Variants in SPTBN4 observed in about 807,000 individuals in gnomAD.
SPTBN4 encodes spectrin beta, non-erythrocytic 4.
SPTBN4 carries 96 observed loss-of-function variants against 277.8 expected under a neutral mutation model. That is an observed-to-expected ratio of 0.35 (90% CI 0.29 to 0.41). The LOEUF is 0.41. SPTBN4 is among the 10% of genes least tolerant of loss of function. The probability of loss-of-function intolerance (pLI) is 1.00; values close to 1 mark genes in which losing one functional copy is unlikely to be tolerated. For missense variants in SPTBN4, 3,006 were observed against 3,595.7 expected, an observed-to-expected ratio of 0.84 and a Z score of 4.19; for synonymous variants, 1,481 against 1,580.3, an observed-to-expected ratio of 0.94 and a Z score of 1.49.
rs1259433750 is a variant in SPTBN4, at chr19:40,513,051, C to G, written c.2262C>G (p.Arg754=). 5 of 1,420,472 alleles carry G rather than the reference C, an allele frequency of 3.5e-6. No homozygotes were observed. Among genetic ancestry groups the G allele is most frequent in the Admixed American group, 3.1e-5 (1 of 32,264 alleles). 88.0% of individuals were successfully genotyped at this position (1,420,472 alleles called of 1,614,324 possible). A position where few individuals can be genotyped will look rare whatever the true frequency, so the allele number is the denominator to read the frequency against. Residue 754 remains arginine, a synonymous_variant, in exon 14 of 36, where the codon CGC becomes CGG. Coordinates refer to ENST00000598249, the MANE Select transcript of SPTBN4 (RefSeq NM_020971.3). ...AGCGCGCGGCGAGCGCCCGGCGCCG[C>G]TGGCAGAGGCTGGAAGAGGCGGCGG... The part of the protein sequence containing the change: ...LAERAASARR[R]WQRLEEAAAR...
In SPTBN4 at chr19:40,502,772, C is replaced by T; in HGVS notation, c.1204-3C>T. 1 of 1,612,940 alleles carries T rather than the reference C, an allele frequency of 6.2e-7. No individual in the cohort carries two copies. The highest frequency in any genetic ancestry group is 1.1e-5 in the South Asian group (1 of 90,918). On this transcript the variant is annotated splice_polypyrimidine_tract_variant and splice_region_variant and intron_variant, in intron 10 of 35. Coordinates refer to ENST00000598249, the MANE Select transcript of SPTBN4 (RefSeq NM_020971.3). The surrounding 1 kb of genome is among the most constrained non-coding windows in gnomAD (Gnocchi z 4.9). The stretch of plus-strand genomic sequence containing the variant: ...TCTGAGTGCCTCCTCCCATCTCCTG[C>T]AGGCATGGGGTGAGCTGGAGAAGGC...
intron 35 of SPTBN4, among the ~76,000 whole-genome samples, chr19:40,575,187 A>C (rs147653402): frequency 6.6e-6 from 1 of 152,250 alleles, no homozygotes; most frequent in Non-Finnish European, 1.5e-5. Context: ...TCTCTGTAGT[A>C]GGAAGTATAT....
intron 27 of SPTBN4, among the ~76,000 whole-genome samples, chr19:40,563,444 C>T (rs1470173957): frequency 2.0e-5 from 3 of 151,876 alleles, no homozygotes; most frequent in African/African-American, 4.8e-5. Context: ...GCCACAAATG[C>T]GAGCCACATA....
intron 22 of SPTBN4, among the ~76,000 whole-genome samples, chr19:40,552,354 C>A (rs1036754717): frequency 1.3e-5 from 2 of 149,496 alleles, no homozygotes; most frequent in Non-Finnish European, 3.0e-5. Context: ...ACTCGGGAGG[C>A]TGGGGCAGGA....
At chr19:40,476,615 T>A (rs2079950925) in intron 2 of SPTBN4, among the ~76,000 whole-genome samples, 1 of 152,026 alleles carries the variant, frequency 6.6e-6, no homozygotes, top group African/African-American at 2.4e-5. Context: ...TGAGAAGGAG[T>A]CTTGCTCTGT....
chr19:40,557,539 G>A (rs1281950414), intron 26 of SPTBN4, 136 bp downstream of exon 26: 4 of 1,039,070 alleles, frequency 3.8e-6, no homozygotes, highest in Non-Finnish European at 5.3e-6. Context: ...AGAACAGGAA[G>A]AAATTAGATA....
At position 40,570,669 on chromosome 19, in the gene SPTBN4, G is replaced by A; in HGVS notation, c.7260G>A (p.Gln2420=). The change falls in exon 33 of 36, where the codon CAG becomes CAA. Residue 2420 remains glutamine, a synonymous_variant. Transcript: ENST00000598249. ...CGCCACCGCCCACTCACACAGTGCA[G>A]CACGAGGGCTTCCTACTGCGCAAGC... ...APPPPPTHTV[Q]HEGFLLRKRE... is the part of the protein sequence containing the mutation. 1.2e-6 allele frequency: 2 copies of A among 1,602,452 alleles called. No homozygotes were observed. Among genetic ancestry groups the A allele is most frequent in the Non-Finnish European group, 1.7e-6 (2 of 1,175,482 alleles).
At chr19:40,484,189 C>A (rs567583870) in intron 2 of SPTBN4, among the ~76,000 whole-genome samples, 1 of 152,070 alleles carries the variant, frequency 6.6e-6, no homozygotes, top group South Asian at 2.1e-4. Context: ...ATATTTTGTA[C>A]CCATTAACCA....
chr19:40,563,816 G>C lies in SPTBN4; in HGVS notation c.5916-1607G>C, dbSNP rs113417225. Reference sequence around the variant, plus strand: ...CTGAGATTGGGAGGCTAAGGCAGGCGGATCACCTGAGGCCAGAAGTTCGAG... The same window carrying C: ...CTGAGATTGGGAGGCTAAGGCAGGCCGATCACCTGAGGCCAGAAGTTCGAG... On this transcript the variant is annotated intron_variant, in intron 27 of 35. Transcript: ENST00000598249. 1.7e-4 allele frequency among the ~76,000 whole-genome samples: 16 copies of C among 96,960 alleles called. 1 individual carries two copies. Among genetic ancestry groups the C allele is most frequent in the Middle Eastern group, 7.4e-3 (1 of 136 alleles). 63.6% of individuals were successfully genotyped at this position (96,960 alleles called of 152,430 possible).
At chr19:40,528,996 C>A in intron 17 of SPTBN4, 45 bp from the exon 18 acceptor site, 1 of 1,541,926 alleles carries the variant, frequency 6.5e-7, no homozygotes, top group Non-Finnish European at 9.0e-7. Context: ...GCGCCGCACC[C>A]CCCAACCCGG....
intron 22 of SPTBN4, among the ~76,000 whole-genome samples, chr19:40,552,280 C>T (rs574975911): frequency 6.8e-4 from 103 of 151,812 alleles, no homozygotes; most frequent in African/African-American, 2.2e-3. Flanking sequence ...ACGGTGAAAC[C>T]GCGTCTCTAC....
intron 20 of SPTBN4, among the ~76,000 whole-genome samples, chr19:40,541,273 A>G (rs1305251555): frequency 6.6e-6 from 1 of 152,174 alleles, no homozygotes; most frequent in African/African-American, 2.4e-5. Context: ...CCATTGTTCA[A>G]GGGAGGGGCT....
chr19:40,556,070 A>AT lies in SPTBN4; in HGVS notation c.5085-13dup. On this transcript the variant is annotated splice_polypyrimidine_tract_variant and intron_variant, in intron 24 of 35. Coordinates refer to ENST00000598249, the MANE Select transcript of SPTBN4 (RefSeq NM_020971.3). The stretch of plus-strand genomic sequence containing the variant: ...CTCAGGGGTCCATCCCTGCCCCTCC[A>AT]TGTCCCCCTTCAGCGAGCAGATCAG... 1 of 1,605,498 alleles carries AT rather than the reference A, an allele frequency of 6.2e-7. No individual in the cohort carries two copies. Among genetic ancestry groups the AT allele is most frequent in the Non-Finnish European group, 8.5e-7 (1 of 1,175,910 alleles).
At chr19:40,474,827 G>A (rs544957726) in intron 2 of SPTBN4, among the ~76,000 whole-genome samples, 3 of 152,094 alleles carry the variant, frequency 2.0e-5, no homozygotes, top group Admixed American at 6.6e-5. Flanking sequence ...GGGAGATGGG[G>A]GTTTCAGTGA....
chr19:40,566,970 C>G (rs1391805031), intron 30 of SPTBN4: 1 of 288,408 alleles, frequency 3.5e-6, no homozygotes, highest in Admixed American at 4.4e-5. Flanking sequence ...ACAACAACAA[C>G]AATAAAAAAA....
chr19:40,510,288 G>C (rs917004157), intron 13 of SPTBN4, among the ~76,000 whole-genome samples: 1 of 151,908 alleles, frequency 6.6e-6, no homozygotes, highest in Non-Finnish European at 1.5e-5. Context: ...GTACATGGAA[G>C]CTGTTTTTTT....
Position 40,519,647 on chromosome 19 carries a change from G to T in SPTBN4, c.3150G>T (p.Glu1050Asp). The T allele has an allele frequency of 7.1e-7, 1 of 1,401,020 alleles. No individual in the cohort carries two copies. Among genetic ancestry groups the T allele is most frequent in the East Asian group, 3.0e-5 (1 of 33,160 alleles). 86.8% of individuals were successfully genotyped at this position (1,401,020 alleles called of 1,614,324 possible). ...ALLEEAALLA[E>D]RFPAQAARLH... ...TGGAGGAGGCAGCCCTGCTGGCTGA[G>T]CGCTTCCCGGCGCAGGCGGCGCGGC... Residue 1050 changes from glutamate (E) to aspartate (D), a missense_variant, in exon 16 of 36, where the codon GAG becomes GAT. Physicochemically the swap from Glu to Asp is conservative, Grantham distance 45 (BLOSUM62 2). Around this residue, in one of 5 missense-constraint regions of SPTBN4, gnomAD observed 1,759 missense variants for 2,061.5 expected, o/e 0.85. Transcript: ENST00000598249. The surrounding 1 kb of genome is among the most constrained non-coding windows in gnomAD (Gnocchi z 5.7).
chr19:40,527,219 A>T (rs1321925781), intron 17 of SPTBN4, among the ~76,000 whole-genome samples: 2 of 151,600 alleles, frequency 1.3e-5, no homozygotes, highest in Non-Finnish European at 1.5e-5. Flanking sequence ...CTCTCCCTCC[A>T]TCTGCACCTC....
At chr19:40,518,345 A>T (rs2080483751) in intron 15 of SPTBN4, among the ~76,000 whole-genome samples, 1 of 152,044 alleles carries the variant, frequency 6.6e-6, no homozygotes, top group African/African-American at 2.4e-5. Context: ...ACTATTGAGG[A>T]CCCCAAGAGC....
Sources: allele counts gnomAD v4.1 joint callset (sites outside exome capture counted in the v4.1 genomes callset), GRCh38; gene constraint gnomAD v4.1.1; regional missense constraint gnomAD v4.1.1; non-coding constraint Gnocchi (gnomAD v3.1); transcripts MANE v1.5; gene names NCBI Gene and HGNC (gene_info 2026-07-23, HGNC 2026-07-21).